The following PDE4B variants were observed in gnomAD, a reference collection of about 807,000 sequenced individuals.
The protein encoded by PDE4B is phosphodiesterase 4B, also known as 3',5'-cyclic-AMP phosphodiesterase 4B.
PDE4B carries 20 observed loss-of-function variants against 82.2 expected under a neutral mutation model. That is an observed-to-expected ratio of 0.24 (90% CI 0.17 to 0.35). PDE4B has a LOEUF of 0.35. Among genes scored for constraint, PDE4B ranks in the 10% least tolerant of loss-of-function variants. The probability of loss-of-function intolerance (pLI) is 1.00; values close to 1 mark genes in which losing one functional copy is unlikely to be tolerated. For missense variants in PDE4B, 655 were observed against 907.2 expected (o/e 0.72, Z 3.57); for synonymous variants, 320 against 318.9 (o/e 1.00, Z -0.04).
Position 65,918,403 on chromosome 1 carries a change from A to T in PDE4B, c.43-194A>T, listed in dbSNP as rs1446749326. On this transcript the variant is annotated intron_variant, in intron 2 of 16. Coordinates refer to ENST00000341517, the MANE Select transcript of PDE4B (RefSeq NM_002600.4). ...CCAGGAATATGCAACTGATAAGTTTATTCTAAAAGCTGAGAATCAGCCTCT... is the reference window on the plus strand; with the variant it reads ...CCAGGAATATGCAACTGATAAGTTTTTTCTAAAAGCTGAGAATCAGCCTCT... Among the ~76,000 whole-genome samples, 3 of 152,322 alleles carry T rather than the reference A, an allele frequency of 2.0e-5. No homozygotes were observed. In the South Asian group the frequency reaches 6.2e-4, roughly 32 times the overall value.
At chr1:66,052,043 T>C (rs1655056330) in intron 3 of PDE4B, among the ~76,000 whole-genome samples, 1 of 152,172 alleles carries the variant, frequency 6.6e-6, no homozygotes, top group Admixed American at 6.6e-5. Flanking sequence ...GCTTTTCTTC[T>C]GCCAGTCCTG....
intron 3 of PDE4B, among the ~76,000 whole-genome samples, chr1:66,004,062 C>A (rs1388491343): frequency 2.0e-5 from 3 of 152,100 alleles, no homozygotes; most frequent in African/African-American, 7.2e-5. Flanking sequence ...TTGGGCAAAC[C>A]ATTCAACCTA....
At chr1:65,801,505 A>G (rs978069105) in intron 1 of PDE4B, among the ~76,000 whole-genome samples, 4 of 152,208 alleles carry the variant, frequency 2.6e-5, no homozygotes, top group Admixed American at 2.6e-4. Context: ...GGTACTTTGT[A>G]CCAATACTTT....
At chr1:65,813,585 A>G (rs1645844375) in intron 1 of PDE4B, among the ~76,000 whole-genome samples, 1 of 152,196 alleles carries the variant, frequency 6.6e-6, no homozygotes, top group Non-Finnish European at 1.5e-5. Flanking sequence ...CATATTCAAA[A>G]TAGTATGAAA....
At chr1:66,137,674 G>A (rs1646086171) in intron 3 of PDE4B, among the ~76,000 whole-genome samples, 1 of 152,128 alleles carries the variant, frequency 6.6e-6, no homozygotes, top group South Asian at 2.1e-4. Context: ...TCAGGTTATT[G>A]GCACTTGACA....
chr1:66,143,319 T>G (rs1264504980), intron 3 of PDE4B, among the ~76,000 whole-genome samples: 1 of 152,210 alleles, frequency 6.6e-6, no homozygotes, highest in Non-Finnish European at 1.5e-5. Flanking sequence ...TAGATAATGT[T>G]TAAGTGGAGA....
At chr1:66,216,158 G>A (rs1406194758) in intron 3 of PDE4B, among the ~76,000 whole-genome samples, 1 of 151,390 alleles carries the variant, frequency 6.6e-6, no homozygotes, top group Non-Finnish European at 1.5e-5. Context: ...ATTTCTGATT[G>A]AAATACCCTC....
At chr1:66,320,752 A>T (rs1659342541) in intron 7 of PDE4B, among the ~76,000 whole-genome samples, 1 of 152,178 alleles carries the variant, frequency 6.6e-6, no homozygotes, top group Admixed American at 6.6e-5. Flanking sequence ...AACCAAGAGA[A>T]ATATTTGTAA....
chr1:66,334,489 C>T (rs1445809817), intron 8 of PDE4B, among the ~76,000 whole-genome samples: 2 of 152,192 alleles, frequency 1.3e-5, no homozygotes, highest in African/African-American at 4.8e-5. Flanking sequence ...TCCAATCCCT[C>T]AGGCTTCCGC....
chr1:66,060,927 GA>G, intron 3 of PDE4B, among the ~76,000 whole-genome samples: 1 of 151,834 alleles, frequency 6.6e-6, no homozygotes, highest in East Asian at 1.9e-4. Flanking sequence ...TAAAGAGAGT[GA>G]AAAATAGGTG....
intron 3 of PDE4B, among the ~76,000 whole-genome samples, chr1:66,178,499 G>C (rs1169671079): frequency 6.6e-6 from 1 of 152,076 alleles, no homozygotes; most frequent in Non-Finnish European, 1.5e-5. Context: ...TAATTTTTAA[G>C]TTGTTATTTA....
intron 3 of PDE4B, among the ~76,000 whole-genome samples, chr1:66,029,751 C>T (rs1464735928): frequency 6.6e-6 from 1 of 152,142 alleles, no homozygotes; most frequent in Non-Finnish European, 1.5e-5. Context: ...CATCTTCCTA[C>T]ATCTAGACAT....
chr1:66,258,404 G>GT (rs1654420405), intron 6 of PDE4B, among the ~76,000 whole-genome samples: 1 of 152,072 alleles, frequency 6.6e-6, no homozygotes, highest in Non-Finnish European at 1.5e-5. Flanking sequence ...CTTGATCTCC[G>GT]TATCTATAAA....
At chr1:66,009,911 A>ATCTGTCTG (rs1553132012) in intron 3 of PDE4B, among the ~76,000 whole-genome samples, 9 of 140,052 alleles carry the variant, frequency 6.4e-5, no homozygotes, top group African/African-American at 1.1e-4. Context: ...ATCTTTATCT[A>ATCTGTCTG]TCTATCTATC....
At chr1:66,003,153 T>C (rs2100714971) in intron 3 of PDE4B, among the ~76,000 whole-genome samples, 1 of 152,200 alleles carries the variant, frequency 6.6e-6, no homozygotes, top group Non-Finnish European at 1.5e-5. Context: ...AAGAAGTACA[T>C]TTATAATATC....
At chr1:66,137,323 G>A (rs1646078553) in intron 3 of PDE4B, among the ~76,000 whole-genome samples, 1 of 152,158 alleles carries the variant, frequency 6.6e-6, no homozygotes, top group South Asian at 2.1e-4. Context: ...CTGATTAGAA[G>A]GAGGGGTAGC....
intron 3 of PDE4B, among the ~76,000 whole-genome samples, chr1:65,920,237 G>A (rs376430191): frequency 4.6e-5 from 7 of 152,262 alleles, no homozygotes; most frequent in African/African-American, 1.7e-4. Flanking sequence ...CATACCAGTT[G>A]GTAAATATAT....
chr1:65,836,466 ATTC>A (rs1327625996), intron 1 of PDE4B, among the ~76,000 whole-genome samples: 2 of 152,098 alleles, frequency 1.3e-5, no homozygotes, highest in Non-Finnish European at 2.9e-5. Context: ...GCATCCAGTA[ATTC>A]TTCTGCGAGG....
chr1:66,121,167 A>G (rs1236711364), intron 3 of PDE4B, among the ~76,000 whole-genome samples: 1 of 152,250 alleles, frequency 6.6e-6, no homozygotes, highest in Non-Finnish European at 1.5e-5. Context: ...CAGGTAAAGG[A>G]TCAAGAAGAA....
Sources: gnomAD v4.1 joint callset for allele counts (sites outside exome capture counted in the v4.1 genomes callset) on GRCh38, gnomAD v4.1.1 for gene constraint, MANE v1.5 for transcripts, NCBI Gene and HGNC (gene_info 2026-07-23, HGNC 2026-07-21) for gene names.